COLQ: variants seen among roughly 807,000 people sequenced by gnomAD.
COLQ encodes collagen like tail subunit of asymmetric acetylcholinesterase.
COLQ carries 48 observed loss-of-function variants against 69.0 expected under a neutral mutation model. That is an observed-to-expected ratio of 0.70 (90% CI 0.55 to 0.88). COLQ has a LOEUF of 0.88. Among genes scored for constraint, COLQ ranks in the 40% least tolerant of loss-of-function variants. The pLI, the probability that COLQ is intolerant of heterozygous loss-of-function variation, is 0.00. For synonymous variants in COLQ, 217 were observed against 211.2 expected (o/e 1.03, Z -0.24); for missense variants, 618 against 594.6 (o/e 1.04, Z -0.41).
chr3:15,468,981 G>A (rs1484803490), intron 11 of COLQ, among the ~76,000 whole-genome samples: 2 of 152,118 alleles, frequency 1.3e-5, no homozygotes, highest in Non-Finnish European at 2.9e-5. Context: ...CAGCACTGCT[G>A]GCCAACAAAC....
At chr3:15,462,651 C>A (rs540506327) in intron 12 of COLQ, among the ~76,000 whole-genome samples, 30 of 152,318 alleles carry the variant, frequency 2.0e-4, no homozygotes, top group African/African-American at 6.7e-4. Context: ...CAGCCGCCTA[C>A]CTCGCCCTCA....
At chr3:15,454,623 C>A (rs1215129655) in intron 15 of COLQ, among the ~76,000 whole-genome samples, 1 of 150,686 alleles carries the variant, frequency 6.6e-6, no homozygotes, top group Non-Finnish European at 1.5e-5. Flanking sequence ...CCGCCACCCA[C>A]TCTGCCCTGT....
intron 1 of COLQ, among the ~76,000 whole-genome samples, chr3:15,515,547 T>TGCCTG (rs566997285): frequency 1.1e-3 from 160 of 152,328 alleles, no homozygotes; most frequent in African/African-American, 3.6e-3. Flanking sequence ...CAGTGGCTCA[T>TGCCTG]GCCTGTAATC....
At chr3:15,461,790 A>G (rs1440934815) in intron 12 of COLQ, among the ~76,000 whole-genome samples, 4 of 152,048 alleles carry the variant, frequency 2.6e-5, no homozygotes, top group Admixed American at 2.0e-4. Context: ...ACAGAGGCCA[A>G]GGCTATCTCA....
chr3:15,494,199 G>A (rs1306073272), intron 1 of COLQ, among the ~76,000 whole-genome samples: 1 of 152,204 alleles, frequency 6.6e-6, no homozygotes, highest in Admixed American at 6.5e-5. Flanking sequence ...GGAAACCACG[G>A]CAGGTGCAGG....
chr3:15,520,736 A>T (rs2063125109), intron 1 of COLQ, among the ~76,000 whole-genome samples: 1 of 152,170 alleles, frequency 6.6e-6, no homozygotes, highest in Admixed American at 6.5e-5. Context: ...TCTGGGTCAG[A>T]CAAGACAAGG....
In COLQ at chr3:15,474,906, A is replaced by T; in HGVS notation, c.555+19T>A. On this transcript the variant is annotated intron_variant, in intron 8 of 16. Coordinates refer to ENST00000383788, the MANE Select transcript of COLQ (RefSeq NM_005677.4). The stretch of plus-strand genomic sequence containing the variant: ...AGCCCAGACCAGGCTCTAGGACACC[A>T]TCCAAGAAAAGCACTAACCTTTTCC... The T allele has an allele frequency of 6.2e-7, 1 of 1,614,006 alleles. No individual in the cohort carries two copies. The highest frequency in any genetic ancestry group is 8.5e-7 in the Non-Finnish European group (1 of 1,179,870).
At chr3:15,467,177 T>G (rs956442261) in intron 11 of COLQ, among the ~76,000 whole-genome samples, 2 of 152,240 alleles carry the variant, frequency 1.3e-5, no homozygotes, top group Non-Finnish European at 2.9e-5. Flanking sequence ...GCTCACCTCC[T>G]TTCCCCAGAT....
chr3:15,456,533 TG>T lies in COLQ; in HGVS notation c.1000del (p.Gln334LysfsTer26). ...NQEELERLNT[Q>X]NAIAFRRDQR... ...GTCTCTGCGGAAGGCAATGGCGTTTTGGGTGTTCAGCCTCTCAAGCTCCTCC... is the reference window on the plus strand; with the variant it reads ...GTCTCTGCGGAAGGCAATGGCGTTTTGGTGTTCAGCCTCTCAAGCTCCTCC... On this transcript the variant is annotated frameshift_variant, in exon 14 of 17. Coordinates refer to ENST00000383788, the MANE Select transcript of COLQ (RefSeq NM_005677.4). LOFTEE classifies it high-confidence loss of function. 6.2e-7 allele frequency: 1 copy of T among 1,614,202 alleles called. No individual in the cohort carries two copies. Among genetic ancestry groups the T allele is most frequent in the Non-Finnish European group, 8.5e-7 (1 of 1,180,028 alleles).
rs753690228 is a variant in COLQ at position 15,453,853 on chromosome 3, A to G, written c.1274T>C (p.Leu425Pro). ...CCCAGGGAGATAGGTCTCGCATGTC[A>G]GGTAGCCAAAGTCAGAGCCGTCACA... ...EDCDGSDFGY[L>P]TCETYLPGSY... Residue 425 changes from leucine to proline, a missense_variant, in exon 16 of 17, where the codon CTG becomes CCG. By Grantham distance (98) the Leu-to-Pro change is moderately conservative. Transcript: ENST00000383788. The G allele has an allele frequency of 6.2e-7, 1 of 1,611,832 alleles. No individual in the cohort carries two copies. The highest frequency in any genetic ancestry group is 2.2e-5 in the East Asian group (1 of 44,756).
chr3:15,491,306 T>G lies in COLQ; in HGVS notation c.107-1669A>C, dbSNP rs181105363. Among the ~76,000 whole-genome samples, 204 of 152,320 alleles carry G rather than the reference T, an allele frequency of 1.3e-3. 1 individual carries two copies. Among genetic ancestry groups the G allele is most frequent in the African/African-American group, 4.7e-3 (194 of 41,574 alleles). The stretch of plus-strand genomic sequence containing the variant: ...GGTTTTTCAGTTCTCAGTTTTGGTG[T>G]CACGATGTACCTTCACTTCCACCCC... On this transcript the variant is annotated intron_variant, in intron 1 of 16. Transcript: ENST00000383788.
intron 3 of COLQ, among the ~76,000 whole-genome samples, chr3:15,480,126 G>A (rs1026826925): frequency 3.3e-5 from 5 of 152,150 alleles, no homozygotes; most frequent in Admixed American, 1.3e-4. Flanking sequence ...GGCCCCCACT[G>A]CAACCCCAGG....
At position 15,497,938 on chromosome 3, in the gene COLQ, C is replaced by T. The variant is rs141577343; in HGVS notation, c.107-8301G>A. Among the ~76,000 whole-genome samples, 379 of 152,302 alleles carry T rather than the reference C, an allele frequency of 2.5e-3. 5 individuals are homozygous for T. Among genetic ancestry groups the T allele is most frequent in the South Asian group, 2.3e-3 (11 of 4,830 alleles). On this transcript the variant is annotated intron_variant, in intron 1 of 16. Coordinates refer to ENST00000383788, the MANE Select transcript of COLQ (RefSeq NM_005677.4). ...ACAAATTCTGATCCTAAAAGTTGCA[C>T]GTAATTTGAACTTCTCTGAAAGAAC...
chr3:15,473,246 G>A lies in COLQ; in HGVS notation c.636+754C>T, dbSNP rs1223726109. 6.6e-6 allele frequency among the ~76,000 whole-genome samples: 1 copy of A among 152,070 alleles called. No homozygotes were observed. The highest frequency in any genetic ancestry group is 1.5e-5 in the Non-Finnish European group (1 of 68,024). On this transcript the variant is annotated intron_variant, in intron 10 of 16. Transcript: ENST00000383788. This position sits in a 1 kb window ranked among gnomAD's most constrained non-coding sequence, Gnocchi z 4.0. ...TGGCTTACCGCAGCTTTGACTCCTG[G>A]GCTCAGGCCACCCTCCCGCCTCACC...
rs2062026129 is a variant in COLQ at position 15,456,444 on chromosome 3, A to G, written c.1074+16T>C. ...CTGGGCAGGGAGTATGTCCTGAGGT[A>G]ATGGCCTGGGGGTACCTGGATGGGG... On this transcript the variant is annotated intron_variant, in intron 14 of 16. Transcript: ENST00000383788. The G allele has an allele frequency of 1.9e-6, 3 of 1,613,680 alleles. No homozygotes were observed. The highest frequency in any genetic ancestry group is 1.3e-5 in the African/African-American group (1 of 74,894).
At chr3:15,454,357 G>T (rs2061995228) in intron 15 of COLQ, among the ~76,000 whole-genome samples, 1 of 152,200 alleles carries the variant, frequency 6.6e-6, no homozygotes, top group African/African-American at 2.4e-5. Context: ...GCCCAGCCTT[G>T]TGTCCCTGGG....
Position 15,456,526 on chromosome 3 carries a change from GGCGTTTTGGGTGTTCA to G in COLQ, c.992_1007del (p.Leu331ProfsTer24). On this transcript the variant is annotated frameshift_variant, in exon 14 of 17. Coordinates refer to ENST00000383788, the MANE Select transcript of COLQ (RefSeq NM_005677.4). LOFTEE classifies it high-confidence loss of function. ...ATCTCTGGTCTCTGCGGAAGGCAAT[GGCGTTTTGGGTGTTCA>G]GCCTCTCAAGCTCCTCCTGGTTGTT... 1 of 1,614,178 alleles carries G rather than the reference GGCGTTTTGGGTGTTCA, an allele frequency of 6.2e-7. No homozygotes were observed. Among genetic ancestry groups the G allele is most frequent in the Non-Finnish European group, 8.5e-7 (1 of 1,180,030 alleles).
intron 3 of COLQ, among the ~76,000 whole-genome samples, chr3:15,485,378 C>G (rs2062557066): frequency 6.6e-6 from 1 of 152,168 alleles, no homozygotes; most frequent in African/African-American, 2.4e-5. Flanking sequence ...TCTGTCCATT[C>G]TCAGATCTCA....
intron 3 of COLQ, among the ~76,000 whole-genome samples, chr3:15,482,689 T>C (rs975365107): frequency 7.2e-5 from 11 of 152,240 alleles, no homozygotes; most frequent in African/African-American, 2.4e-4. Flanking sequence ...GTTGTGTCTC[T>C]GCCAGGCTTT....
Sources: gnomAD v4.1 joint callset for allele counts (sites outside exome capture counted in the v4.1 genomes callset) on GRCh38, gnomAD v4.1.1 for gene constraint, Gnocchi (gnomAD v3.1) non-coding constraint, MANE v1.5 for transcripts, NCBI Gene and HGNC (gene_info 2026-07-23, HGNC 2026-07-21) for gene names.